KIAA1549: variants seen among roughly 807,000 people sequenced by gnomAD.
KIAA1549 encodes the protein KIAA1549.
In KIAA1549, 70 loss-of-function variants were observed where a neutral mutation model predicts 156.4. That is an observed-to-expected ratio of 0.45 (90% CI 0.37 to 0.55). The LOEUF (loss-of-function observed/expected upper bound fraction) is 0.55, where lower values mean the gene tolerates loss of function less well. Among genes scored for constraint, KIAA1549 ranks in the 20% least tolerant of loss-of-function variants. The pLI, the probability that KIAA1549 is intolerant of heterozygous loss-of-function variation, is 0.00. For missense variants in KIAA1549, 2,428 were observed against 2,540.9 expected (o/e 0.96, Z 0.96); for synonymous variants, 1,103 against 1,066.4 (o/e 1.03, Z -0.67).
chr7:138,833,971 C>T lies in KIAA1549; in HGVS notation c.*3935G>A. ...TATCAAAGCAGATCAAGATCAAGTT[C>T]ATTTCAGTGACAGCTTCACTCCTTC... On this transcript the variant is annotated 3_prime_UTR_variant, in exon 20 of 20. Transcript: ENST00000422774. 4.3e-6 allele frequency: 1 copy of T among 230,996 alleles called. No individual in the cohort carries two copies. The allele number at this position is 230,996 out of a possible 1,614,324, so 14.3% of individuals were successfully genotyped here.
chr7:138,852,314 A>G, intron 16 of KIAA1549, 45 bp from the exon 17 acceptor site: 1 of 1,310,674 alleles, frequency 7.6e-7, no homozygotes, highest in Non-Finnish European at 1.1e-6. Flanking sequence ...TTCAATACTT[A>G]TTATAAAGTG....
chr7:138,921,383 C>A (rs146698378), intron 1 of KIAA1549, among the ~76,000 whole-genome samples: 3 of 152,150 alleles, frequency 2.0e-5, no homozygotes, highest in African/African-American at 7.2e-5. Flanking sequence ...TGCTTTCTGG[C>A]GGAAAACCCA....
chr7:138,907,145 C>T lies in KIAA1549; in HGVS notation c.3277-43G>A, dbSNP rs111735842. On this transcript the variant is annotated intron_variant, in intron 5 of 19. Transcript: ENST00000422774. ...GAATAAGCTTCTATAATAAAACATT[C>T]TGCTGAAAGCTTAACCATGATTTCT... The T allele has an allele frequency of 8.7e-6, 12 of 1,386,372 alleles. No homozygotes were observed. The African/African-American group carries it at 1.0e-4, about 12-fold the overall frequency. 85.9% of individuals were successfully genotyped at this position (1,386,372 alleles called of 1,614,324 possible).
At chr7:138,884,330 C>G (rs1001377417) in intron 10 of KIAA1549, among the ~76,000 whole-genome samples, 2 of 151,778 alleles carry the variant, frequency 1.3e-5, no homozygotes, top group Admixed American at 6.6e-5. Context: ...AAATCCTAAG[C>G]CCCCAACCTA....
chr7:138,893,975 C>T (rs1034919547), intron 10 of KIAA1549, among the ~76,000 whole-genome samples: 1 of 152,196 alleles, frequency 6.6e-6, no homozygotes, highest in African/African-American at 2.4e-5. Context: ...GAGACCGAGG[C>T]AGGAGAATCG....
chr7:138,956,639 C>T (rs1399327763), intron 1 of KIAA1549, among the ~76,000 whole-genome samples: 1 of 152,182 alleles, frequency 6.6e-6, no homozygotes, highest in East Asian at 1.9e-4. Context: ...TCACCTTCTG[C>T]CATGATTGTG....
chr7:138,980,476 C>T (rs1202278304), intron 1 of KIAA1549, among the ~76,000 whole-genome samples: 5 of 152,218 alleles, frequency 3.3e-5, no homozygotes, highest in Non-Finnish European at 7.3e-5. Flanking sequence ...TATTTTCACA[C>T]TCCATTGTAC....
intron 1 of KIAA1549, among the ~76,000 whole-genome samples, chr7:138,950,993 C>T (rs1813480801): frequency 6.6e-6 from 1 of 152,190 alleles, no homozygotes; most frequent in Non-Finnish European, 1.5e-5. Context: ...TCCCTACCTA[C>T]TCCTTCATCC....
chr7:138,901,937 G>C (rs969994585), intron 8 of KIAA1549, among the ~76,000 whole-genome samples: 4 of 146,132 alleles, frequency 2.7e-5, no homozygotes, highest in Non-Finnish European at 6.0e-5. Context: ...CCTACTAAGA[G>C]AGCTTGCATG....
intron 17 of KIAA1549, among the ~76,000 whole-genome samples, chr7:138,851,260 T>C (rs1053061944): frequency 7.9e-5 from 12 of 152,322 alleles, no homozygotes; most frequent in South Asian, 6.2e-4. Flanking sequence ...TTTTTTCTCC[T>C]ATTTCCTACC....
At chr7:138,909,294 CTT>C (rs1284380912) in intron 4 of KIAA1549, among the ~76,000 whole-genome samples, 173 bp from the exon 5 acceptor site, 1 of 152,186 alleles carries the variant, frequency 6.6e-6, no homozygotes, top group East Asian at 1.9e-4. Context: ...TAAAAGGTAA[CTT>C]TGCAGTAAAT....
chr7:138,915,371 T>C (rs1032732777), intron 2 of KIAA1549, among the ~76,000 whole-genome samples: 28 of 152,040 alleles, frequency 1.8e-4, no homozygotes, highest in Non-Finnish European at 3.4e-4. Context: ...CCCTAGAAGC[T>C]TCCAGAAGCA....
intron 1 of KIAA1549, 90 bp downstream of exon 1, chr7:138,980,993 G>A (rs931595652): frequency 2.7e-6 from 3 of 1,117,616 alleles, no homozygotes; most frequent in Non-Finnish European, 3.3e-6. Flanking sequence ...AATAAAAGAG[G>A]ATGGGCGGGG....
At chr7:138,877,047 C>A (rs1180855353) in intron 12 of KIAA1549, among the ~76,000 whole-genome samples, 2 of 152,212 alleles carry the variant, frequency 1.3e-5, no homozygotes, top group East Asian at 3.8e-4. Context: ...GAGCCGGTAG[C>A]TGTACCACCC....
chr7:138,899,117 T>C lies in KIAA1549; in HGVS notation c.3685A>G (p.Arg1229Gly). 1 of 1,613,792 alleles carries C rather than the reference T, an allele frequency of 6.2e-7. No homozygotes were observed. The highest frequency in any genetic ancestry group is 8.5e-7 in the Non-Finnish European group (1 of 1,179,724). Residue 1229 changes from arginine (R) to glycine (G), a missense_variant, in exon 9 of 20, where the codon AGG (arginine) becomes GGG (glycine). This residue lies in a region of KIAA1549 where 762 missense variants were observed against 901.6 expected (regional missense o/e 0.85). Coordinates refer to ENST00000422774, the MANE Select transcript of KIAA1549 (RefSeq NM_001164665.2). Reference protein sequence around the residue: ...NSVVQVVNVSRLEGDDNPVQL... With the variant: ...NSVVQVVNVSGLEGDDNPVQL... Reference sequence around the variant, plus strand: ...ACCGGATTGTCATCTCCCTCCAGCCTCGACACATTTACCACCTGAAAGATA... The same window carrying C: ...ACCGGATTGTCATCTCCCTCCAGCCCCGACACATTTACCACCTGAAAGATA...
chr7:138,960,657 A>G (rs1486935689), intron 1 of KIAA1549, among the ~76,000 whole-genome samples: 1 of 152,198 alleles, frequency 6.6e-6, no homozygotes. Flanking sequence ...TTCCAACACC[A>G]GCAAAGGGCT....
intron 16 of KIAA1549, among the ~76,000 whole-genome samples, chr7:138,854,178 G>A (rs1401286072): frequency 6.6e-6 from 1 of 152,170 alleles, no homozygotes. Context: ...AATCAGCTAG[G>A]TATATAAAAA....
chr7:138,919,895 G>T (rs1010144896), intron 1 of KIAA1549, among the ~76,000 whole-genome samples: 1 of 152,066 alleles, frequency 6.6e-6, no homozygotes, highest in Non-Finnish European at 1.5e-5. Context: ...TCTCTTCAGT[G>T]ATAGGAGCTG....
At chr7:138,862,126 T>G (rs1218812476) in intron 15 of KIAA1549, among the ~76,000 whole-genome samples, 1 of 152,158 alleles carries the variant, frequency 6.6e-6, no homozygotes, top group East Asian at 1.9e-4. Context: ...ATAAGTAAAG[T>G]AGTCTATTGA....
Sources: gnomAD v4.1 joint callset for allele counts (sites outside exome capture counted in the v4.1 genomes callset) on GRCh38, gnomAD v4.1.1 for gene constraint, gnomAD v4.1.1 regional missense constraint, MANE v1.5 for transcripts, NCBI Gene and HGNC (gene_info 2026-07-23, HGNC 2026-07-21) for gene names.